The following GRK3 variants were observed in gnomAD, a reference collection of about 807,000 sequenced individuals.
GRK3 encodes the protein adrenergic, beta, receptor kinase 2.
In GRK3, 54 loss-of-function variants were observed where a neutral mutation model predicts 95.7. The ratio of observed to expected loss-of-function variants is 0.56; its 90% CI spans 0.45 to 0.71. The LOEUF (loss-of-function observed/expected upper bound fraction) is 0.71. Among genes scored for constraint, GRK3 ranks in the 30% least tolerant of loss-of-function variants. GRK3 has a pLI of 0.00. For missense variants in GRK3, 649 were observed against 851.2 expected, an observed-to-expected ratio of 0.76 and a Z score of 2.96; for synonymous variants, 281 against 290.8, an observed-to-expected ratio of 0.97 and a Z score of 0.34.
chr22:25,695,914 A>G (rs942657873), intron 13 of GRK3, among the ~76,000 whole-genome samples: 2 of 151,352 alleles, frequency 1.3e-5, no homozygotes, highest in African/African-American at 4.9e-5. Context: ...GCTCACTGCA[A>G]GCTCCGCCTC....
chr22:25,610,279 A>G (rs2084486824), intron 2 of GRK3, among the ~76,000 whole-genome samples: 1 of 152,194 alleles, frequency 6.6e-6, no homozygotes, highest in South Asian at 2.1e-4. Flanking sequence ...CCTGGGCAAC[A>G]CAGTGAGACC....
intron 1 of GRK3, among the ~76,000 whole-genome samples, chr22:25,597,733 C>A (rs1356331820): frequency 6.6e-6 from 1 of 152,042 alleles, no homozygotes; most frequent in African/African-American, 2.4e-5. Context: ...CGGATTAAAA[C>A]AAAATGTATG....
chr22:25,572,571 G>A (rs1397768806), intron 1 of GRK3, among the ~76,000 whole-genome samples: 2 of 152,024 alleles, frequency 1.3e-5, no homozygotes, highest in African/African-American at 2.4e-5. Flanking sequence ...GTATCTCATC[G>A]CACTCACACT....
At chr22:25,640,058 T>G (rs2146377650) in intron 2 of GRK3, among the ~76,000 whole-genome samples, 1 of 152,304 alleles carries the variant, frequency 6.6e-6, no homozygotes, top group South Asian at 2.1e-4. Flanking sequence ...TAGTAGTTAC[T>G]TATAGATAGG....
At chr22:25,648,257 C>A in intron 3 of GRK3, 2 of 807,072 alleles carry the variant, frequency 2.5e-6, no homozygotes, top group South Asian at 2.7e-5. Context: ...GGAAACTTGA[C>A]AATGGTAGAT....
At chr22:25,697,302 T>G (rs2085217267) in intron 13 of GRK3, among the ~76,000 whole-genome samples, 1 of 152,262 alleles carries the variant, frequency 6.6e-6, no homozygotes, top group African/African-American at 2.4e-5. Context: ...AATAACTCTG[T>G]CTGCTCCAAC....
rs2085103345 is a variant in GRK3 at position 25,685,195 on chromosome 22, C to G, written c.773C>G (p.Thr258Ser). ...TGDCPFIVCM[T>S]YAFHTPDKLC... is the part of the protein sequence containing the mutation. ...GACTGTCCTTTCATTGTATGTATGA[C>G]CTATGCCTTCCATACCCCAGATAAA... The change falls in exon 10 of 21, where the codon ACC (threonine) becomes AGC (serine). Residue 258 changes from threonine (T) to serine (S), a missense_variant. Around this residue, in one of 3 missense-constraint regions of GRK3, gnomAD observed 61 missense variants for 126.0 expected, o/e 0.48. Transcript: ENST00000324198. 6.2e-7 allele frequency: 1 copy of G among 1,613,232 alleles called. No homozygotes were observed. Among genetic ancestry groups the G allele is most frequent in the Non-Finnish European group, 8.5e-7 (1 of 1,179,316 alleles).
At chr22:25,678,356 G>A (rs1027771501) in intron 8 of GRK3, among the ~76,000 whole-genome samples, 2 of 152,210 alleles carry the variant, frequency 1.3e-5, no homozygotes, top group Non-Finnish European at 2.9e-5. Flanking sequence ...TTGGAAGGCT[G>A]AGACAGGAGA....
intron 15 of GRK3, among the ~76,000 whole-genome samples, chr22:25,707,594 A>T (rs2085309945): frequency 1.3e-5 from 2 of 152,110 alleles, no homozygotes. Context: ...CCTTATGAAG[A>T]GGCCTGGGGA....
At chr22:25,643,842 G>A (rs2084760653) in intron 2 of GRK3, among the ~76,000 whole-genome samples, 1 of 152,238 alleles carries the variant, frequency 6.6e-6, no homozygotes, top group African/African-American at 2.4e-5. Flanking sequence ...CACCTACTGT[G>A]TACCAGGCAT....
Position 25,718,253 on chromosome 22 carries a change from C to T in GRK3, c.1663C>T (p.Leu555=), listed in dbSNP as rs55908187. The T allele has an allele frequency of 4.0e-5, 65 of 1,613,554 alleles. No homozygotes were observed. The highest frequency in any genetic ancestry group is 4.7e-5 in the Non-Finnish European group (55 of 1,179,752). ...KQLGHEEDYA[L]GKDCIMHGYM... The stretch of plus-strand genomic sequence containing the variant: ...GATTTTGTATTCCTCAGATTACGCT[C>T]TGGGGAAGGACTGTATTATGCACGG... The change falls in exon 19 of 21, where the codon CTG becomes TTG. Residue 555 remains leucine (L), a synonymous_variant. Transcript: ENST00000324198.
At chr22:25,694,585 C>A (rs897393618) in intron 12 of GRK3, among the ~76,000 whole-genome samples, 1 of 152,194 alleles carries the variant, frequency 6.6e-6, no homozygotes, top group African/African-American at 2.4e-5. Context: ...TCATGTTCCT[C>A]CTTCTTTCCC....
chr22:25,687,590 A>T lies in GRK3; in HGVS notation c.880A>T (p.Met294Leu), dbSNP rs751862197. The T allele has an allele frequency of 6.2e-7, 1 of 1,614,018 alleles. No individual in the cohort carries two copies. The highest frequency in any genetic ancestry group is 2.2e-5 in the East Asian group (1 of 44,882). The change falls in exon 11 of 21, where the codon ATG becomes TTG. Residue 294 changes from methionine to leucine, a missense_variant. Met to Leu is a conservative substitution (Grantham distance 15). Around this residue, in one of 3 missense-constraint regions of GRK3, gnomAD observed 382 missense variants for 493.8 expected, o/e 0.77. Coordinates refer to ENST00000324198, the MANE Select transcript of GRK3 (RefSeq NM_005160.4). ...SQHGVFSEKE[M>L]RFYATEIILG... Reference sequence around the variant, plus strand: ...ACACGGTGTGTTCTCTGAGAAGGAGATGCGGTTTTATGCCACTGAAATCAT... The same window carrying T: ...ACACGGTGTGTTCTCTGAGAAGGAGTTGCGGTTTTATGCCACTGAAATCAT...
At chr22:25,687,747 A>G (rs2085127551) in intron 11 of GRK3, 80 bp downstream of exon 11, 2 of 1,511,292 alleles carry the variant, frequency 1.3e-6, no homozygotes, top group Admixed American at 3.6e-5. Flanking sequence ...TATTTCATAG[A>G]GTCCTGTCAT....
At chr22:25,632,073 ATACT>A (rs1237116082) in intron 2 of GRK3, among the ~76,000 whole-genome samples, 3 of 152,172 alleles carry the variant, frequency 2.0e-5, no homozygotes, top group Non-Finnish European at 4.4e-5. Context: ...CTCTTGGTAA[ATACT>A]TAGGAGTGGG....
At position 25,721,311 on chromosome 22, in the gene GRK3, C is replaced by T. The variant is rs373371487; in HGVS notation, c.1819C>T (p.Leu607Phe). 5 of 1,595,320 alleles carry T rather than the reference C, an allele frequency of 3.1e-6. No individual in the cohort carries two copies. The highest frequency in any genetic ancestry group is 4.3e-6 in the Non-Finnish European group (5 of 1,169,460). ...AAATTTACTGACAATGGAACAGATT[C>T]TCTCTGTGGAAGAAACTCAAATTAA... ...RQNLLTMEQI[L>F]SVEETQIKDK... Residue 607 changes from leucine to phenylalanine, a missense_variant, in exon 20 of 21, where the codon CTC (leucine) becomes TTC (phenylalanine). By Grantham distance (22) the Leu-to-Phe change is conservative. Around this residue, in one of 3 missense-constraint regions of GRK3, gnomAD observed 382 missense variants for 493.8 expected, o/e 0.77. Transcript: ENST00000324198.
intron 2 of GRK3, among the ~76,000 whole-genome samples, chr22:25,612,713 A>G (rs923309451): frequency 3.9e-5 from 6 of 152,190 alleles, no homozygotes; most frequent in African/African-American, 1.4e-4. Context: ...ATTTACCTAG[A>G]AATAATACAT....
chr22:25,621,271 T>C (rs1010523816), intron 2 of GRK3, among the ~76,000 whole-genome samples: 8 of 152,240 alleles, frequency 5.3e-5, no homozygotes, highest in Non-Finnish European at 1.0e-4. Context: ...CCTTTGGGGG[T>C]CTGTGAAGTT....
intron 1 of GRK3, among the ~76,000 whole-genome samples, chr22:25,592,684 C>CA (rs1175437351): frequency 3.3e-5 from 5 of 152,134 alleles, no homozygotes; most frequent in African/African-American, 1.2e-4. Flanking sequence ...TTAAGGGGTA[C>CA]ATGTGCAGGT....
Sources: allele counts gnomAD v4.1 joint callset (sites outside exome capture counted in the v4.1 genomes callset), GRCh38; gene constraint gnomAD v4.1.1; regional missense constraint gnomAD v4.1.1; transcripts MANE v1.5; gene names NCBI Gene and HGNC (gene_info 2026-07-23, HGNC 2026-07-21).